Variants in RIC3 observed in about 807,000 individuals in gnomAD.
RIC3 encodes protein RIC-3.
Under a neutral mutation model 27.3 loss-of-function variants are expected in RIC3, and 28 were observed. The observed-to-expected ratio is 1.02, with a 90% CI of 0.76 to 1.41. The LOEUF is 1.41. RIC3 is among the 40% of genes most tolerant of loss of function. The pLI is 0.00. For synonymous variants in RIC3, 184 were observed against 160.4 expected (o/e 1.15, Z -1.11); for missense variants, 501 against 444.7 (o/e 1.13, Z -1.14).
At chr11:8,100,550 T>C in the RIC3 span, 1 of 1,614,140 alleles carries the variant, frequency 6.2e-7, no homozygotes, top group Non-Finnish European at 8.5e-7. Context: ...TGAGCGTGAT[T>C]GTCCCAGGCA....
intron 3 of RIC3, 105 bp downstream of exon 3, chr11:8,138,167 C>A: frequency 1.3e-6 from 1 of 750,256 alleles, no homozygotes; most frequent in Non-Finnish European, 2.1e-6. Flanking sequence ...TAATTTGGAG[C>A]AACTTTTGAG....
chr11:8,118,781 G>A (rs375500666), intron 5 of RIC3, among the ~76,000 whole-genome samples: 2 of 151,446 alleles, frequency 1.3e-5, no homozygotes, highest in Non-Finnish European at 1.5e-5. Flanking sequence ...TGAAGCATGA[G>A]AATCACTTGA....
the RIC3 span, chr11:8,097,685 T>C: frequency 6.3e-7 from 1 of 1,588,438 alleles, no homozygotes; most frequent in Non-Finnish European, 8.6e-7. Flanking sequence ...AGGCTGAGTC[T>C]GGAATATGAC....
At chr11:8,105,214 G>T (rs61561982), downstream of RIC3, 1 of 152,036 alleles carries the variant, frequency 6.6e-6, no homozygotes, top group African/African-American at 2.4e-5. Flanking sequence ...CCCCAGCTGC[G>T]GCATCCCTGT....
chr11:8,144,675 A>G (rs1229233610), intron 1 of RIC3, among the ~76,000 whole-genome samples: 43 of 148,386 alleles, frequency 2.9e-4, no homozygotes, highest in South Asian at 1.1e-3. Flanking sequence ...CCATCCCATT[A>G]CTGGGTATAT....
chr11:8,133,848 G>T, intron 4 of RIC3, among the ~76,000 whole-genome samples: 1 of 152,220 alleles, frequency 6.6e-6, no homozygotes, highest in Non-Finnish European at 1.5e-5. Context: ...GGAGTAATTT[G>T]AGTTAAGGGA....
intron 5 of RIC3, among the ~76,000 whole-genome samples, chr11:8,116,791 C>T (rs1386762830): frequency 6.6e-6 from 1 of 152,012 alleles, no homozygotes; most frequent in Admixed American, 6.6e-5. Flanking sequence ...AAAAGGGAAC[C>T]CTTATATACT....
the RIC3 span, among the ~76,000 whole-genome samples, chr11:8,094,487 T>C: frequency 1.3e-5 from 2 of 152,182 alleles, no homozygotes; most frequent in Non-Finnish European, 2.9e-5. Context: ...GCACCCTTTA[T>C]CATGACCCCT....
chr11:8,165,864 G>C (rs1951649926), intron 1 of RIC3, among the ~76,000 whole-genome samples: 1 of 145,824 alleles, frequency 6.9e-6, no homozygotes, highest in Non-Finnish European at 1.5e-5. Context: ...CTGTAGCCTT[G>C]ACCTCCAAAC....
chr11:8,097,991 A>C, the RIC3 span, among the ~76,000 whole-genome samples: 1 of 152,294 alleles, frequency 6.6e-6, no homozygotes, highest in Non-Finnish European at 1.5e-5. Context: ...TGTCTATGCC[A>C]GCCTAGAGCC....
chr11:8,164,781 C>CAAA (rs199958835), intron 1 of RIC3, among the ~76,000 whole-genome samples: 37 of 84,228 alleles, frequency 4.4e-4, no homozygotes, highest in Non-Finnish European at 6.3e-4. Flanking sequence ...CTGTCTCTCT[C>CAAA]AAAAAAAAAA....
chr11:8,110,857 T>C lies in RIC3; in HGVS notation c.951A>G (p.Ala317=). The C allele has an allele frequency of 6.2e-7, 1 of 1,614,230 alleles. No homozygotes were observed. Among genetic ancestry groups the C allele is most frequent in the South Asian group, 1.1e-5 (1 of 91,088 alleles). The change falls in exon 6 of 6, where the codon GCA becomes GCG. Residue 317 remains alanine, a synonymous_variant. Transcript: ENST00000309737. ...TATCTGCACTGAATCCAGCATTCTCTGCCAAGACAGCAGGATCCTCGTCTT... is the reference window on the plus strand; with the variant it reads ...TATCTGCACTGAATCCAGCATTCTCCGCCAAGACAGCAGGATCCTCGTCTT... ...FHEDEDPAVL[A]ENAGFSADSY...
chr11:8,168,801 C>A, intron 1 of RIC3, 65 bp downstream of exon 1: 1 of 1,553,766 alleles, frequency 6.4e-7, no homozygotes, highest in Non-Finnish European at 8.7e-7. Context: ...GTCACCCCTC[C>A]CTCAAGCAGC....
chr11:8,097,391 A>T, the RIC3 span: 3 of 1,614,064 alleles, frequency 1.9e-6, no homozygotes, highest in Non-Finnish European at 2.5e-6. Flanking sequence ...TACCCCACCT[A>T]CTTTCTGCAC....
the RIC3 span, among the ~76,000 whole-genome samples, chr11:8,099,953 G>C: frequency 1.3e-5 from 2 of 152,200 alleles, no homozygotes; most frequent in Non-Finnish European, 2.9e-5. Flanking sequence ...CACATCTCCA[G>C]CTTTAACTTG....
At position 8,140,251 on chromosome 11, in the gene RIC3, A is replaced by G. The variant is rs1030640266; in HGVS notation, c.125-58T>C. The G allele has an allele frequency of 1.2e-5, 17 of 1,464,674 alleles. No homozygotes were observed. The South Asian group carries it at 2.2e-4, about 19-fold the overall frequency. 90.7% of individuals were successfully genotyped at this position (1,464,674 alleles called of 1,614,324 possible). A position where few individuals can be genotyped will look rare whatever the true frequency, so the allele number is the denominator to read the frequency against. ...TACTATTTTAAAGATGGCTATCATG[A>G]AAACACCAAATCATTAAGGTATAAA... On this transcript the variant is annotated intron_variant, in intron 1 of 5. Coordinates refer to ENST00000309737, the MANE Select transcript of RIC3 (RefSeq NM_001206671.4).
chr11:8,165,978 G>A (rs1339485625), intron 1 of RIC3, among the ~76,000 whole-genome samples: 1 of 151,940 alleles, frequency 6.6e-6, no homozygotes, highest in South Asian at 2.1e-4. Context: ...TGTAGAGATG[G>A]GGGTCTTGTT....
downstream of RIC3, chr11:8,104,173 C>T (rs1401034732): frequency 6.6e-6 from 1 of 152,316 alleles, no homozygotes; most frequent in Non-Finnish European, 1.5e-5. Flanking sequence ...AGTTCTTGCC[C>T]TTCATACCCT....
chr11:8,156,443 A>T (rs1950658351), intron 1 of RIC3, among the ~76,000 whole-genome samples: 1 of 152,220 alleles, frequency 6.6e-6, no homozygotes, highest in African/African-American at 2.4e-5. Flanking sequence ...AGAATTACAG[A>T]TTAAATAATA....
Sources: gnomAD v4.1 joint callset for allele counts (sites outside exome capture counted in the v4.1 genomes callset) on GRCh38, gnomAD v4.1.1 for gene constraint, MANE v1.5 for transcripts, NCBI Gene and HGNC (gene_info 2026-07-23, HGNC 2026-07-21) for gene names.